The following CNBD1 variants were observed in gnomAD, a reference collection of about 807,000 sequenced individuals.
CNBD1 encodes the protein cyclic nucleotide-binding domain-containing protein 1.
A neutral mutation model predicts 54.4 loss-of-function variants in CNBD1; 71 were observed. The observed-to-expected ratio is 1.30, with a 90% confidence interval of 1.08 to 1.59. The LOEUF (loss-of-function observed/expected upper bound fraction) is 1.59. Ranked by LOEUF, CNBD1 falls within the 40% of genes most tolerant of loss-of-function variation. The probability of loss-of-function intolerance (pLI) is 0.00; values close to 1 mark genes in which losing one functional copy is unlikely to be tolerated. For synonymous variants in CNBD1, 182 were observed against 170.7 expected (o/e 1.07, Z -0.51); for missense variants, 659 against 518.0 (o/e 1.27, Z -2.64).
intron 9 of CNBD1, 62 bp from the exon 10 acceptor site, chr8:87,353,574 C>A (rs915528054): frequency 1.8e-6 from 2 of 1,092,542 alleles, no homozygotes; most frequent in African/African-American, 1.6e-5. Flanking sequence ...CTGATAAAAA[C>A]AATACTGATT....
downstream of CNBD1, among the ~76,000 whole-genome samples, chr8:87,387,106 G>A (rs968054146): frequency 4.6e-5 from 7 of 152,172 alleles, no homozygotes; most frequent in Non-Finnish European, 5.9e-5. Flanking sequence ...CCTGAAGGAA[G>A]CACTAACATG....
chr8:87,210,210 C>A (rs1814066520), intron 5 of CNBD1, among the ~76,000 whole-genome samples: 1 of 152,120 alleles, frequency 6.6e-6, no homozygotes, highest in South Asian at 2.1e-4. Flanking sequence ...ATCCTATGTT[C>A]AGATAAGGGA....
chr8:87,388,237 A>T (rs1413185513), intron 2 of CNBD1, among the ~76,000 whole-genome samples: 1 of 152,206 alleles, frequency 6.6e-6, no homozygotes, highest in Non-Finnish European at 1.5e-5. Context: ...AGCAGAAGGC[A>T]AGAAATAACT....
intron 2 of CNBD1, among the ~76,000 whole-genome samples, chr8:87,414,340 G>T (rs190024135): frequency 6.6e-6 from 1 of 152,226 alleles, no homozygotes; most frequent in South Asian, 2.1e-4. Context: ...CATGGACACA[G>T]GAAGGGGAAC....
At chr8:87,194,069 T>C (rs1813664339) in intron 4 of CNBD1, among the ~76,000 whole-genome samples, 1 of 152,098 alleles carries the variant, frequency 6.6e-6, no homozygotes, top group African/African-American at 2.4e-5. Context: ...CATGGGAGCA[T>C]GAGCCTTATT....
chr8:87,268,337 T>C (rs2130855741), intron 6 of CNBD1, among the ~76,000 whole-genome samples: 1 of 152,308 alleles, frequency 6.6e-6, no homozygotes, highest in South Asian at 2.1e-4. Context: ...CCACATTTTC[T>C]TTATCCAGTC....
chr8:87,144,580 G>A (rs1369464522), intron 4 of CNBD1, among the ~76,000 whole-genome samples: 1 of 152,110 alleles, frequency 6.6e-6, no homozygotes, highest in South Asian at 2.1e-4. Flanking sequence ...CCAGCACTTC[G>A]GGAGGCCGAG....
intron 2 of CNBD1, among the ~76,000 whole-genome samples, chr8:87,420,781 T>A (rs900929108): frequency 3.3e-5 from 5 of 152,074 alleles, no homozygotes; most frequent in Admixed American, 2.0e-4. Context: ...CTTCTTTTTT[T>A]TTTTTTGACA....
chr8:86,921,706 C>G (rs886834027), intron 3 of CNBD1, among the ~76,000 whole-genome samples: 24 of 152,152 alleles, frequency 1.6e-4, no homozygotes, highest in African/African-American at 5.3e-4. Context: ...CTCCATGATT[C>G]AATTATCTCC....
chr8:87,237,054 G>A lies in CNBD1; in HGVS notation c.713G>A (p.Ser238Asn). 7 of 1,612,022 alleles carry A rather than the reference G, an allele frequency of 4.3e-6. No individual in the cohort carries two copies. The highest frequency in any genetic ancestry group is 5.9e-6 in the Non-Finnish European group (7 of 1,178,558). The change falls in exon 6 of 11, where the codon AGT becomes AAT. Residue 238 changes from serine to asparagine, a missense_variant. Coordinates refer to ENST00000518476, the MANE Select transcript of CNBD1 (RefSeq NM_173538.3). ...ISQSFHSFIWSEEFKNSTLAE... is the reference protein window; with the variant it reads ...ISQSFHSFIWNEEFKNSTLAE... ...CAGAGTTTCCACAGCTTCATTTGGA[G>A]TGAAGAATTCAAAAACTCTACACTT...
chr8:87,335,956 G>T (rs1809937833), intron 8 of CNBD1, among the ~76,000 whole-genome samples: 1 of 152,052 alleles, frequency 6.6e-6, no homozygotes, highest in Non-Finnish European at 1.5e-5. Context: ...TTTCTCCTTT[G>T]CTTCTGAAGC....
chr8:87,097,789 T>G (rs1276207883), intron 4 of CNBD1, among the ~76,000 whole-genome samples: 2 of 152,222 alleles, frequency 1.3e-5, no homozygotes, highest in African/African-American at 4.8e-5. Flanking sequence ...TTCAGATTCC[T>G]GCAGTAATCA....
chr8:87,408,556 C>G (rs1199676034), intron 2 of CNBD1, among the ~76,000 whole-genome samples: 1 of 151,946 alleles, frequency 6.6e-6, no homozygotes, highest in Non-Finnish European at 1.5e-5. Context: ...CTTTTCGTCT[C>G]TCAGTATTTA....
At chr8:86,978,534 CTTTTTTT>C (rs71277907) in intron 4 of CNBD1, among the ~76,000 whole-genome samples, 17 of 66,720 alleles carry the variant, frequency 2.5e-4, no homozygotes, top group African/African-American at 9.9e-4. Flanking sequence ...ATGCTTTTAT[CTTTTTTT>C]TTTTTTTTTT....
At chr8:86,905,019 T>C in intron 2 of CNBD1, 62 bp from the exon 3 acceptor site, 2 of 955,422 alleles carry the variant, frequency 2.1e-6, no homozygotes, top group Non-Finnish European at 3.2e-6. Context: ...GAGTTAAAAA[T>C]CTTTCTCTTG....
At chr8:87,326,244 C>T (rs1809666986) in intron 8 of CNBD1, among the ~76,000 whole-genome samples, 1 of 122,452 alleles carries the variant, frequency 8.2e-6, no homozygotes. Context: ...ACATTTTTTC[C>T]TTCATTTCAA....
At chr8:87,349,044 C>G (rs544467361) in intron 8 of CNBD1, among the ~76,000 whole-genome samples, 1 of 152,202 alleles carries the variant, frequency 6.6e-6, no homozygotes, top group Admixed American at 6.5e-5. Context: ...ACTACAAGTT[C>G]CACTACATTT....
chr8:87,418,679 T>C (rs1345408287), intron 2 of CNBD1, among the ~76,000 whole-genome samples: 1 of 151,830 alleles, frequency 6.6e-6, no homozygotes, highest in Non-Finnish European at 1.5e-5. Flanking sequence ...CAAAAATACC[T>C]TATTTAAAAA....
chr8:86,876,169 CTGTGTGTGTGTGTTTGTGTGTGTG>C (rs1808517341), intron 1 of CNBD1, among the ~76,000 whole-genome samples: 1 of 105,626 alleles, frequency 9.5e-6, no homozygotes. Context: ...TGTTTGATAC[CTGTGTGTGTGTGTTTGTGTGTGTG>C]TGTGTGTGTG....
Sources: allele counts gnomAD v4.1 joint callset (sites outside exome capture counted in the v4.1 genomes callset), GRCh38; gene constraint gnomAD v4.1.1; transcripts MANE v1.5; gene names NCBI Gene and HGNC (gene_info 2026-07-23, HGNC 2026-07-21).